Variants in PCBP3 observed in about 807,000 individuals in gnomAD.
PCBP3 encodes the protein poly(rC)-binding protein 3.
A neutral mutation model predicts 52.7 loss-of-function variants in PCBP3; 25 were observed. The ratio of observed to expected loss-of-function variants is 0.47; its 90% CI spans 0.35 to 0.66. The LOEUF (loss-of-function observed/expected upper bound fraction) is 0.66, where lower values mean the gene tolerates loss of function less well. Ranked by LOEUF, PCBP3 falls within the 30% of genes least tolerant of loss-of-function variation. PCBP3 has a pLI of 0.01. For synonymous variants in PCBP3, 162 were observed against 183.0 expected, an observed-to-expected ratio of 0.89 and a Z score of 0.93; for missense variants, 391 against 490.3, an observed-to-expected ratio of 0.80 and a Z score of 1.91.
chr21:45,790,409 A>C (rs1314806756), intron 4 of PCBP3, among the ~76,000 whole-genome samples: 2 of 152,066 alleles, frequency 1.3e-5, no homozygotes, highest in Non-Finnish European at 1.5e-5. Flanking sequence ...CCAAGGTGGG[A>C]CGCCGTGCCA....
intron 4 of PCBP3, among the ~76,000 whole-genome samples, chr21:45,785,189 C>T (rs1012292866): frequency 4.4e-4 from 66 of 151,416 alleles, no homozygotes; most frequent in African/African-American, 1.4e-3. Context: ...GCCCAGCAGC[C>T]GCCCCGTCTG....
At position 45,849,941 on chromosome 21, in the gene PCBP3, C is replaced by T; in HGVS notation, c.-125-20C>T. 1 of 748,794 alleles carries T rather than the reference C, an allele frequency of 1.3e-6. No individual in the cohort carries two copies. Among genetic ancestry groups the T allele is most frequent in the Non-Finnish European group, 2.4e-6 (1 of 421,754 alleles). 46.4% of individuals were successfully genotyped at this position (748,794 alleles called of 1,614,324 possible). A position where few individuals can be genotyped will look rare whatever the true frequency, so the allele number is the denominator to read the frequency against. ...CCCTGCACTGGTGCGCTCACACAGC[C>T]CTGTGTTTTTGTGTTTTAGGTCGGT... On this transcript the variant is annotated intron_variant, in intron 4 of 17. Transcript: ENST00000681687.
At chr21:45,912,919 C>T (rs764600933) in intron 11 of PCBP3, among the ~76,000 whole-genome samples, 10 of 152,190 alleles carry the variant, frequency 6.6e-5, no homozygotes, top group Non-Finnish European at 1.3e-4. Flanking sequence ...GATCCAGCCA[C>T]CCACTCCCCA....
intron 4 of PCBP3, among the ~76,000 whole-genome samples, chr21:45,773,128 G>T (rs189318912): frequency 1.6e-4 from 24 of 151,958 alleles, no homozygotes; most frequent in African/African-American, 5.8e-4. Context: ...ATGCTTTTGC[G>T]GTCTTAGTCA....
chr21:45,786,696 C>T (rs969331423), intron 4 of PCBP3, among the ~76,000 whole-genome samples: 6 of 152,220 alleles, frequency 3.9e-5, no homozygotes, highest in Admixed American at 2.0e-4. Context: ...CGTTCCAACT[C>T]ATGGTATGTT....
At chr21:45,691,357 T>C (rs1399652797) in intron 2 of PCBP3, among the ~76,000 whole-genome samples, 1 of 147,710 alleles carries the variant, frequency 6.8e-6, no homozygotes, top group Non-Finnish European at 1.5e-5. Flanking sequence ...TTTGGGGTGA[T>C]GTTCTATATC....
intron 1 of PCBP3, among the ~76,000 whole-genome samples, chr21:45,657,747 G>A (rs2080110431): frequency 6.6e-6 from 1 of 152,052 alleles, no homozygotes; most frequent in Non-Finnish European, 1.5e-5. Context: ...GTATTGTCAG[G>A]TTAACAATAT....
At chr21:45,825,041 A>T (rs1281937568) in intron 4 of PCBP3, among the ~76,000 whole-genome samples, 1 of 152,206 alleles carries the variant, frequency 6.6e-6, no homozygotes, top group East Asian at 1.9e-4. Context: ...AGCTGCAGAG[A>T]AGGGGCACCC....
chr21:45,845,733 C>A (rs993028410), intron 4 of PCBP3, among the ~76,000 whole-genome samples: 1 of 152,244 alleles, frequency 6.6e-6, no homozygotes, highest in African/African-American at 2.4e-5. Context: ...TGTGCCTTTG[C>A]CATGTGTATG....
At chr21:45,828,051 CA>C (rs2093351354) in intron 4 of PCBP3, 1 of 152,314 alleles carries the variant, frequency 6.6e-6, no homozygotes. Flanking sequence ...GTGCAGTCCC[CA>C]TCTGGAGTGT....
At chr21:45,911,662 C>T (rs948986536) in intron 11 of PCBP3, among the ~76,000 whole-genome samples, 1 of 152,166 alleles carries the variant, frequency 6.6e-6, no homozygotes, top group Non-Finnish European at 1.5e-5. Flanking sequence ...CAACAGTTGC[C>T]AGTCTTTCCT....
At chr21:45,930,052 T>C in intron 14 of PCBP3, 57 bp downstream of exon 14, 1 of 1,296,166 alleles carries the variant, frequency 7.7e-7, no homozygotes, top group Non-Finnish European at 1.1e-6. Context: ...ACTTTCTCTT[T>C]CTGAGCTGTG....
chr21:45,789,456 A>C (rs2091391758), intron 4 of PCBP3, among the ~76,000 whole-genome samples: 1 of 152,202 alleles, frequency 6.6e-6, no homozygotes, highest in Non-Finnish European at 1.5e-5. Context: ...GCATACATAC[A>C]TGCAGTTGGG....
chr21:45,900,337 C>T (rs1485306836), intron 7 of PCBP3, among the ~76,000 whole-genome samples: 1 of 152,210 alleles, frequency 6.6e-6, no homozygotes, highest in Non-Finnish European at 1.5e-5. Flanking sequence ...CCTGCGCCAC[C>T]CTTGCCAGCT....
At chr21:45,860,065 C>G (rs1403607328) in intron 5 of PCBP3, among the ~76,000 whole-genome samples, 2 of 152,168 alleles carry the variant, frequency 1.3e-5, no homozygotes, top group African/African-American at 2.4e-5. Context: ...TTGGAAGGTT[C>G]TTGCCATTGT....
At position 45,686,438 on chromosome 21, in the gene PCBP3, A is replaced by G. The variant is rs565966435; in HGVS notation, c.-200+17486A>G. 2.2e-4 allele frequency among the ~76,000 whole-genome samples: 33 copies of G among 152,348 alleles called. No homozygotes were observed. The South Asian group carries it at 6.2e-3, about 29-fold the overall frequency. Reference sequence around the variant, plus strand: ...GATCCACAAGTAAATTATCTGCATGAAAGAAGACAGTCTACTATTCTTTTA... The same window carrying G: ...GATCCACAAGTAAATTATCTGCATGGAAGAAGACAGTCTACTATTCTTTTA... On this transcript the variant is annotated intron_variant, in intron 2 of 17. Transcript: ENST00000681687.
chr21:45,846,207 G>T (rs1419066895), intron 4 of PCBP3, among the ~76,000 whole-genome samples: 1 of 152,188 alleles, frequency 6.6e-6, no homozygotes, highest in Non-Finnish European at 1.5e-5. Flanking sequence ...ACTTGTTAGG[G>T]AGATATCTAG....
chr21:45,834,981 G>A (rs1358057464), intron 4 of PCBP3, among the ~76,000 whole-genome samples: 1 of 152,246 alleles, frequency 6.6e-6, no homozygotes, highest in Non-Finnish European at 1.5e-5. Context: ...CCCGTGCTCG[G>A]GGTGGGCAGC....
At chr21:45,716,472 C>A (rs1238614215) in intron 2 of PCBP3, among the ~76,000 whole-genome samples, 1 of 152,124 alleles carries the variant, frequency 6.6e-6, no homozygotes, top group African/African-American at 2.4e-5. Context: ...AAAGTGTTGG[C>A]AGCTTTGGTT....
Sources: allele counts gnomAD v4.1 joint callset (sites outside exome capture counted in the v4.1 genomes callset), GRCh38; gene constraint gnomAD v4.1.1; transcripts MANE v1.5; gene names NCBI Gene and HGNC (gene_info 2026-07-23, HGNC 2026-07-21).